Variants in PCDH9 observed in about 807,000 individuals in gnomAD.
PCDH9 encodes the protein protocadherin-9.
A neutral mutation model predicts 70.6 loss-of-function variants in PCDH9; 24 were observed. That is an observed-to-expected ratio of 0.34 (90% CI 0.25 to 0.48). The LOEUF is 0.48. PCDH9 is among the 20% of genes least tolerant of loss of function. PCDH9 has a pLI of 0.99. For missense variants in PCDH9, 1,281 were observed against 1,503.6 expected, an observed-to-expected ratio of 0.85 and a Z score of 2.45; for synonymous variants, 562 against 558.5, an observed-to-expected ratio of 1.01 and a Z score of -0.09.
intron 4 of PCDH9, among the ~76,000 whole-genome samples, chr13:66,455,945 A>C (rs114303094): frequency 4.1e-4 from 63 of 152,266 alleles, no homozygotes; most frequent in African/African-American, 1.4e-3. Flanking sequence ...ACGTCAGAAG[A>C]ATCTGCACTG....
intron 4 of PCDH9, among the ~76,000 whole-genome samples, chr13:66,558,648 T>C (rs1961854454): frequency 6.6e-6 from 1 of 151,954 alleles, no homozygotes; most frequent in Non-Finnish European, 1.5e-5. Context: ...TCAGTTCCTC[T>C]GGAGCAACTG....
intron 4 of PCDH9, among the ~76,000 whole-genome samples, chr13:66,603,769 T>A (rs2077190415): frequency 6.6e-6 from 1 of 152,014 alleles, no homozygotes; most frequent in Non-Finnish European, 1.5e-5. Context: ...TACATTTTAG[T>A]TGTGTGTATA....
intron 2 of PCDH9, among the ~76,000 whole-genome samples, chr13:67,007,858 C>CA (rs2084382521): frequency 2.0e-5 from 3 of 152,114 alleles, no homozygotes; most frequent in African/African-American, 7.2e-5. Context: ...GTGAATATAT[C>CA]AACTTTACCT....
At chr13:66,459,803 TAC>T (rs1349330836) in intron 4 of PCDH9, among the ~76,000 whole-genome samples, 1 of 151,976 alleles carries the variant, frequency 6.6e-6, no homozygotes, top group Non-Finnish European at 1.5e-5. Context: ...CTAGATTCAA[TAC>T]AGTTAGCTCT....
Position 66,740,017 on chromosome 13 carries a change from C to T in PCDH9, c.3139-108606G>A, listed in dbSNP as rs1418438039. 9.8e-3 allele frequency among the ~76,000 whole-genome samples: 1,484 copies of T among 151,838 alleles called. 9 individuals carry two copies. The highest frequency in any genetic ancestry group is 0.034 in the African/African-American group (1,416 of 41,364). On this transcript the variant is annotated intron_variant, in intron 3 of 4. Transcript: ENST00000377865. ...TAATAGACATCTACAGAACTCTCCA[C>T]CCCAAATCAACAGAATATACATTTT...
At chr13:66,719,778 T>C (rs2139150010) in intron 3 of PCDH9, among the ~76,000 whole-genome samples, 1 of 152,332 alleles carries the variant, frequency 6.6e-6, no homozygotes, top group Non-Finnish European at 1.5e-5. Flanking sequence ...TAACTACAGT[T>C]AAGTTGCTCA....
intron 2 of PCDH9, among the ~76,000 whole-genome samples, chr13:67,027,501 G>C (rs1230203483): frequency 1.3e-5 from 2 of 152,114 alleles, no homozygotes; most frequent in Admixed American, 6.6e-5. Context: ...TCAGGACACA[G>C]GCATGGGCAA....
At chr13:66,449,183 T>A (rs1958156444) in intron 4 of PCDH9, among the ~76,000 whole-genome samples, 1 of 152,116 alleles carries the variant, frequency 6.6e-6, no homozygotes, top group East Asian at 1.9e-4. Context: ...TTATATTAAA[T>A]ACCCAATTAG....
chr13:66,675,507 C>T (rs978616248), intron 3 of PCDH9, among the ~76,000 whole-genome samples: 2 of 152,076 alleles, frequency 1.3e-5, no homozygotes, highest in Non-Finnish European at 2.9e-5. Context: ...AGTAGTCAAA[C>T]ATATTTCTTT....
At chr13:66,979,740 C>A (rs571306231) in intron 2 of PCDH9, among the ~76,000 whole-genome samples, 1 of 152,238 alleles carries the variant, frequency 6.6e-6, no homozygotes, top group South Asian at 2.1e-4. Context: ...ATTTCTAAGA[C>A]CACCAATAAC....
At chr13:67,111,329 A>G (rs2086655108) in intron 2 of PCDH9, among the ~76,000 whole-genome samples, 1 of 152,174 alleles carries the variant, frequency 6.6e-6, no homozygotes, top group Admixed American at 6.6e-5. Flanking sequence ...CACATTTTCT[A>G]TCTTATTCTT....
At chr13:66,414,180 T>C (rs1369788551) in intron 4 of PCDH9, among the ~76,000 whole-genome samples, 1 of 152,242 alleles carries the variant, frequency 6.6e-6, no homozygotes, top group Non-Finnish European at 1.5e-5. Flanking sequence ...AATTTCACTC[T>C]GCAATTTGGA....
At chr13:66,960,903 T>C (rs897134399) in intron 2 of PCDH9, among the ~76,000 whole-genome samples, 4 of 152,176 alleles carry the variant, frequency 2.6e-5, no homozygotes, top group South Asian at 2.1e-4. Flanking sequence ...TTAACCTGTT[T>C]AGAGTATCAA....
At chr13:66,333,387 G>C (rs1397694660) in intron 4 of PCDH9, among the ~76,000 whole-genome samples, 4 of 152,216 alleles carry the variant, frequency 2.6e-5, no homozygotes, top group Admixed American at 2.6e-4. Flanking sequence ...CCTGTATGAA[G>C]GCTAGACCAG....
chr13:66,865,945 G>A (rs1368866819), intron 3 of PCDH9, among the ~76,000 whole-genome samples: 2 of 152,056 alleles, frequency 1.3e-5, no homozygotes, highest in Non-Finnish European at 2.9e-5. Context: ...CGTTGTATCA[G>A]GTTCATTCGT....
chr13:66,928,509 T>G (rs1216094337), intron 2 of PCDH9, among the ~76,000 whole-genome samples: 3 of 152,076 alleles, frequency 2.0e-5, no homozygotes, highest in African/African-American at 7.2e-5. Context: ...AGGTTTGTGT[T>G]CCCCCAAATT....
chr13:67,006,900 T>TTTA (rs1450628748), intron 2 of PCDH9, among the ~76,000 whole-genome samples: 1 of 152,220 alleles, frequency 6.6e-6, no homozygotes, highest in Non-Finnish European at 1.5e-5. Flanking sequence ...CTTCAAATAT[T>TTTA]TTTGCAAACA....
At chr13:66,582,060 C>T (rs2076899823) in intron 4 of PCDH9, among the ~76,000 whole-genome samples, 1 of 151,882 alleles carries the variant, frequency 6.6e-6, no homozygotes, top group Non-Finnish European at 1.5e-5. Flanking sequence ...TGTCTTGAGA[C>T]CAAAGTGTAT....
At position 67,132,613 on chromosome 13, in the gene PCDH9, A is replaced by G. The variant is rs181193260; in HGVS notation, c.3036+92792T>C. On this transcript the variant is annotated intron_variant, in intron 2 of 4. Transcript: ENST00000377865. ...AATGGCAGATGACACAAAAAATTCA[A>G]AATAATTCTAAGAGACTGTAAGAAT... is the stretch of plus-strand genomic sequence containing the variant. 2.6e-5 allele frequency among the ~76,000 whole-genome samples: 4 copies of G among 152,238 alleles called. No individual in the cohort carries two copies. In the East Asian group the frequency reaches 5.8e-4, roughly 22 times the overall value.
Sources: gnomAD v4.1 joint callset for allele counts (sites outside exome capture counted in the v4.1 genomes callset) on GRCh38, gnomAD v4.1.1 for gene constraint, MANE v1.5 for transcripts, NCBI Gene and HGNC (gene_info 2026-07-23, HGNC 2026-07-21) for gene names.